The following GALNT13 variants were observed in gnomAD, a reference collection of about 807,000 sequenced individuals.
The protein encoded by GALNT13 is polypeptide N-acetylgalactosaminyltransferase 13.
Under a neutral mutation model 64.2 loss-of-function variants are expected in GALNT13, and 28 were observed. That is an observed-to-expected ratio of 0.44 (90% confidence interval 0.32 to 0.60). The LOEUF is 0.60. GALNT13 is among the 20% of genes least tolerant of loss of function. The pLI, the probability that GALNT13 is intolerant of heterozygous loss-of-function variation, is 0.05. For synonymous variants in GALNT13, 214 were observed against 224.6 expected (o/e 0.95, Z 0.42); for missense variants, 577 against 669.8 (o/e 0.86, Z 1.53).
intron 3 of GALNT13, among the ~76,000 whole-genome samples, chr2:154,088,081 G>A (rs1701621771): frequency 6.6e-6 from 1 of 152,060 alleles, no homozygotes; most frequent in African/African-American, 2.4e-5. Context: ...ACAATACAGT[G>A]TGAAAAGTTT....
chr2:153,350,048 T>G, the GALNT13 span, among the ~76,000 whole-genome samples: 1 of 152,204 alleles, frequency 6.6e-6, no homozygotes, highest in Non-Finnish European at 1.5e-5. Flanking sequence ...TGCCTCACTC[T>G]TACCGAGGTA....
At chr2:153,069,356 G>T in the GALNT13 span, among the ~76,000 whole-genome samples, 2 of 152,000 alleles carry the variant, frequency 1.3e-5, no homozygotes, top group East Asian at 1.9e-4. Flanking sequence ...AGGTCCTCTC[G>T]CACGCCATCT....
At chr2:153,247,163 C>A in the GALNT13 span, among the ~76,000 whole-genome samples, 1 of 152,170 alleles carries the variant, frequency 6.6e-6, no homozygotes, top group East Asian at 1.9e-4. Context: ...TACAGAGAGA[C>A]TTAGATTCTC....
chr2:153,298,413 G>T, the GALNT13 span, among the ~76,000 whole-genome samples: 2 of 152,294 alleles, frequency 1.3e-5, no homozygotes, highest in East Asian at 3.9e-4. Flanking sequence ...CACTATTAAA[G>T]ATTCAGTTCC....
chr2:154,349,865 T>C (rs141217757), intron 9 of GALNT13, among the ~76,000 whole-genome samples: 13 of 152,320 alleles, frequency 8.5e-5, no homozygotes, highest in African/African-American at 3.1e-4. Context: ...TTGCCAAGCA[T>C]GGCAATGCTG....
At chr2:154,153,640 C>T (rs1295178693) in intron 4 of GALNT13, among the ~76,000 whole-genome samples, 12 of 152,148 alleles carry the variant, frequency 7.9e-5, no homozygotes, top group South Asian at 2.1e-4. Flanking sequence ...CAATGGCGGG[C>T]GCCCCTCTCC....
chr2:153,371,319 C>T, the GALNT13 span, among the ~76,000 whole-genome samples: 3 of 151,964 alleles, frequency 2.0e-5, no homozygotes, highest in Admixed American at 6.6e-5. Flanking sequence ...TTAATATTGT[C>T]CTATAAATCC....
At chr2:153,401,036 CT>C in the GALNT13 span, among the ~76,000 whole-genome samples, 1 of 151,278 alleles carries the variant, frequency 6.6e-6, no homozygotes, top group African/African-American at 2.4e-5. Context: ...AATTTTGGAT[CT>C]TTCCTGCTTT....
At chr2:154,176,240 A>AT (rs1553489591) in intron 4 of GALNT13, among the ~76,000 whole-genome samples, 8 of 132,750 alleles carry the variant, frequency 6.0e-5, no homozygotes, top group South Asian at 5.1e-4. Context: ...GAACATATAT[A>AT]TTATTTATTT....
chr2:153,616,359 T>A, the GALNT13 span, among the ~76,000 whole-genome samples: 1 of 151,998 alleles, frequency 6.6e-6, no homozygotes, highest in African/African-American at 2.4e-5. Flanking sequence ...AGTCAGATAA[T>A]GTGGTTTTTC....
At chr2:154,409,348 G>A (rs1465073790) in intron 11 of GALNT13, 1 of 403,072 alleles carries the variant, frequency 2.5e-6, no homozygotes, top group East Asian at 4.8e-5. Context: ...ATTTTATCAT[G>A]TATTAGCAAA....
At chr2:154,455,207 G>A (rs533093096), downstream of GALNT13, among the ~76,000 whole-genome samples, 3 of 152,140 alleles carry the variant, frequency 2.0e-5, no homozygotes, top group South Asian at 2.1e-4. Flanking sequence ...GAATTAGTTC[G>A]GTAAACCTCA....
At chr2:153,752,034 ATACTGTCTTACAACCAT>A in the GALNT13 span, among the ~76,000 whole-genome samples, 1 of 151,820 alleles carries the variant, frequency 6.6e-6, no homozygotes, top group African/African-American at 2.4e-5. Flanking sequence ...AGGCTTGTAA[ATACTGTCTTACAACCAT>A]TATTTTCACC....
intron 8 of GALNT13, among the ~76,000 whole-genome samples, chr2:154,273,429 G>A (rs1158647263): frequency 6.6e-6 from 1 of 152,108 alleles, no homozygotes; most frequent in Non-Finnish European, 1.5e-5. Flanking sequence ...TGAAGAATTG[G>A]GAGGGTTAGG....
intron 3 of GALNT13, among the ~76,000 whole-genome samples, chr2:154,104,350 G>C (rs72870396): frequency 0.072 from 10,889 of 152,180 alleles, 468 homozygotes; most frequent in Middle Eastern, 0.14. Flanking sequence ...TGTGTGTAGA[G>C]AGGGAGAGGT....
At chr2:154,039,676 G>A (rs1698868596) in intron 3 of GALNT13, among the ~76,000 whole-genome samples, 2 of 139,262 alleles carry the variant, frequency 1.4e-5, no homozygotes, top group Admixed American at 1.4e-4. Context: ...AACTAGATGG[G>A]AGGAAAAAGT....
At position 154,140,379 on chromosome 2, in the gene GALNT13, A is replaced by G. The variant is rs745734081; in HGVS notation, c.185A>G (p.Lys62Arg). Residue 62 changes from lysine to arginine, a missense_variant, in exon 4 of 13, where the codon AAA becomes AGA. Coordinates refer to ENST00000392825, the MANE Select transcript of GALNT13 (RefSeq NM_052917.4). ...RNQEGPGEMGKAVLIPKDDQE... is the reference protein window; with the variant it reads ...RNQEGPGEMGRAVLIPKDDQE... ...CAAGAAGGGCCAGGAGAAATGGGAA[A>G]AGCTGTGTTGATTCCTAAAGATGAC... 2 of 1,613,186 alleles carry G rather than the reference A, an allele frequency of 1.2e-6. No homozygotes were observed. The highest frequency in any genetic ancestry group is 2.2e-5 in the South Asian group (2 of 91,068).
the GALNT13 span, among the ~76,000 whole-genome samples, chr2:153,245,557 C>T: frequency 6.6e-6 from 1 of 152,054 alleles, no homozygotes; most frequent in African/African-American, 2.4e-5. Flanking sequence ...CCTGACTGTT[C>T]GAAAAAAACT....
chr2:153,712,410 G>T, the GALNT13 span, among the ~76,000 whole-genome samples: 1 of 152,064 alleles, frequency 6.6e-6, no homozygotes, highest in Non-Finnish European at 1.5e-5. Flanking sequence ...TCTTGCCCTA[G>T]GTTCTTATCA....
Sources: allele counts gnomAD v4.1 joint callset (sites outside exome capture counted in the v4.1 genomes callset), GRCh38; gene constraint gnomAD v4.1.1; transcripts MANE v1.5; gene names NCBI Gene and HGNC (gene_info 2026-07-23, HGNC 2026-07-21).